Variants in CDH12 observed in about 807,000 individuals in gnomAD.
CDH12 encodes the protein cadherin 12, also known as cadherin-12.
In CDH12, 41 loss-of-function variants were observed where a neutral mutation model predicts 74.1. That is an observed-to-expected ratio of 0.55 (90% CI 0.43 to 0.72). The LOEUF (loss-of-function observed/expected upper bound fraction) is 0.72, where lower values mean the gene tolerates loss of function less well. Among genes scored for constraint, CDH12 ranks in the 30% least tolerant of loss-of-function variants. CDH12 has a pLI of 0.00. For missense variants in CDH12, 945 were observed against 977.2 expected, an observed-to-expected ratio of 0.97 and a Z score of 0.44; for synonymous variants, 399 against 355.0, an observed-to-expected ratio of 1.12 and a Z score of -1.39.
intron 1 of CDH12, among the ~76,000 whole-genome samples, chr5:22,637,819 A>G (rs2126865922): frequency 6.6e-6 from 1 of 152,336 alleles, no homozygotes; most frequent in South Asian, 2.1e-4. Flanking sequence ...CAGTGAGAAA[A>G]AAATAAGTTA....
chr5:22,837,492 C>A (rs1189094739), intron 1 of CDH12, among the ~76,000 whole-genome samples: 3 of 152,118 alleles, frequency 2.0e-5, no homozygotes, highest in Non-Finnish European at 4.4e-5. Flanking sequence ...TTAGGTCCTT[C>A]AGACTATTGC....
At chr5:22,531,152 A>T (rs1259924650) in intron 1 of CDH12, among the ~76,000 whole-genome samples, 2 of 152,122 alleles carry the variant, frequency 1.3e-5, no homozygotes, top group African/African-American at 4.8e-5. Flanking sequence ...CCCAAAATGG[A>T]CCACAATATG....
chr5:22,133,627 A>G (rs1347420392), intron 4 of CDH12, among the ~76,000 whole-genome samples: 1 of 152,136 alleles, frequency 6.6e-6, no homozygotes, highest in African/African-American at 2.4e-5. Context: ...TGTCAGAACC[A>G]CTGCAATTTC....
chr5:21,884,133 G>A (rs1752506053), intron 6 of CDH12: 1 of 1,514,252 alleles, frequency 6.6e-7, no homozygotes, highest in Non-Finnish European at 9.2e-7. Context: ...GAATATGGTA[G>A]AAAAAGGAAT....
chr5:22,483,772 T>TATATATATATATA (rs1746482099), intron 2 of CDH12, among the ~76,000 whole-genome samples: 2 of 11,680 alleles, frequency 1.7e-4, no homozygotes, highest in East Asian at 1.2e-3. Flanking sequence ...ATAAATTTAA[T>TATATATATATATA]TAATTGGGCA....
chr5:22,092,485 C>T (rs912372651), intron 4 of CDH12, among the ~76,000 whole-genome samples: 13 of 152,084 alleles, frequency 8.5e-5, no homozygotes, highest in African/African-American at 3.1e-4. Context: ...CAGATACACA[C>T]ATGGACAATA....
At chr5:22,733,868 C>T (rs534165767) in intron 1 of CDH12, among the ~76,000 whole-genome samples, 4 of 151,804 alleles carry the variant, frequency 2.6e-5, no homozygotes, top group East Asian at 1.9e-4. Context: ...GCAGAGAAGG[C>T]GTATTCTAGT....
At chr5:22,382,676 A>C (rs971481071) in intron 3 of CDH12, among the ~76,000 whole-genome samples, 2 of 149,336 alleles carry the variant, frequency 1.3e-5, no homozygotes, top group African/African-American at 5.2e-5. Context: ...TGCATATACA[A>C]CCTGCCATCT....
At chr5:22,021,467 G>A (rs949189360) in intron 5 of CDH12, among the ~76,000 whole-genome samples, 1 of 152,166 alleles carries the variant, frequency 6.6e-6, no homozygotes, top group East Asian at 1.9e-4. Flanking sequence ...ACTTGCAAAG[G>A]TGGAAAGGTA....
intron 4 of CDH12, among the ~76,000 whole-genome samples, chr5:22,189,743 A>G (rs995586965): frequency 5.3e-5 from 8 of 152,142 alleles, no homozygotes; most frequent in African/African-American, 1.9e-4. Context: ...TCTTTTTAAA[A>G]AAAATTCCTA....
At chr5:22,644,425 C>T (rs193229672) in intron 1 of CDH12, among the ~76,000 whole-genome samples, 2 of 152,080 alleles carry the variant, frequency 1.3e-5, no homozygotes, top group South Asian at 4.1e-4. Context: ...TTCTCTTAAG[C>T]CAAAGTTTAA....
chr5:22,337,773 T>G (rs756051160), intron 3 of CDH12, among the ~76,000 whole-genome samples: 42 of 152,172 alleles, frequency 2.8e-4, no homozygotes, highest in Non-Finnish European at 4.3e-4. Context: ...GGAATAGACA[T>G]TTCTCAAAAG....
chr5:21,829,069 GCAGT>G (rs1748856646), intron 8 of CDH12, among the ~76,000 whole-genome samples: 1 of 152,078 alleles, frequency 6.6e-6, no homozygotes, highest in South Asian at 2.1e-4. Flanking sequence ...GCCGAGGCAG[GCAGT>G]CAGCTGAGGT....
chr5:22,588,282 G>C (rs2126794818), intron 1 of CDH12, among the ~76,000 whole-genome samples: 1 of 152,154 alleles, frequency 6.6e-6, no homozygotes, highest in African/African-American at 2.4e-5. Context: ...TAAATATCAT[G>C]TTAAAGCACA....
chr5:22,364,924 A>G (rs1173685749), intron 3 of CDH12, among the ~76,000 whole-genome samples: 1 of 152,190 alleles, frequency 6.6e-6, no homozygotes, highest in African/African-American at 2.4e-5. Context: ...ACATAAATGT[A>G]AAGACTCATC....
chr5:22,653,558 A>T (rs1739853129), intron 1 of CDH12, among the ~76,000 whole-genome samples: 1 of 151,868 alleles, frequency 6.6e-6, no homozygotes, highest in East Asian at 1.9e-4. Context: ...ATGTATTCTG[A>T]CTCTCATATC....
chr5:22,452,770 A>G (rs911877001), intron 2 of CDH12, among the ~76,000 whole-genome samples: 2 of 151,520 alleles, frequency 1.3e-5, no homozygotes, highest in Admixed American at 6.6e-5. Flanking sequence ...GAAACAATCA[A>G]CAGAGCAAAG....
At position 22,685,246 on chromosome 5, in the gene CDH12, AT is replaced by A. The variant is rs530495630; in HGVS notation, c.-523+167811del. On this transcript the variant is annotated intron_variant, in intron 1 of 14. Coordinates refer to ENST00000382254, the MANE Select transcript of CDH12 (RefSeq NM_004061.5). ...TCACCTCAACCCATATTCATACTTT[AT>A]TTTTTTTTGAGATGGAGTCTCGCCC... Among the ~76,000 whole-genome samples, 1,171 of 150,814 alleles carry A rather than the reference AT, an allele frequency of 7.8e-3. 5 individuals are homozygous for A. Among genetic ancestry groups the A allele is most frequent in the Middle Eastern group, 0.014 (4 of 292 alleles).
chr5:22,783,439 G>T (rs1039241252), intron 1 of CDH12, among the ~76,000 whole-genome samples: 4 of 152,062 alleles, frequency 2.6e-5, no homozygotes, highest in Non-Finnish European at 5.9e-5. Flanking sequence ...AGTTAGAATA[G>T]ACTTTGTTAA....
Sources: allele counts gnomAD v4.1 joint callset (sites outside exome capture counted in the v4.1 genomes callset), GRCh38; gene constraint gnomAD v4.1.1; transcripts MANE v1.5; gene names NCBI Gene and HGNC (gene_info 2026-07-23, HGNC 2026-07-21).